PDE11A: variants seen among roughly 807,000 people sequenced by gnomAD.
PDE11A encodes dual 3',5'-cyclic-AMP and -GMP phosphodiesterase 11A.
A neutral mutation model predicts 100.5 loss-of-function variants in PDE11A; 100 were observed. That is an observed-to-expected ratio of 1.00 (90% confidence interval 0.85 to 1.18). The LOEUF is 1.18. Ranked by LOEUF, PDE11A falls within the 50% of genes most tolerant of loss-of-function variation. The probability of loss-of-function intolerance (pLI) is 0.00; values close to 1 mark genes in which losing one functional copy is unlikely to be tolerated. For synonymous variants in PDE11A, 381 were observed against 420.8 expected, an observed-to-expected ratio of 0.91 and a Z score of 1.16; for missense variants, 1,141 against 1,152.6, an observed-to-expected ratio of 0.99 and a Z score of 0.15.
At chr2:177,959,758 A>C (rs1031093407) in intron 2 of PDE11A, among the ~76,000 whole-genome samples, 4 of 152,202 alleles carry the variant, frequency 2.6e-5, no homozygotes, top group Non-Finnish European at 5.9e-5. Context: ...AACTCAAATC[A>C]AGTAGAGTTG....
intron 1 of PDE11A, among the ~76,000 whole-genome samples, chr2:178,107,459 A>C (rs1399929687): frequency 6.6e-6 from 1 of 151,058 alleles, no homozygotes; most frequent in Non-Finnish European, 1.5e-5. Context: ...TAATTTCAAC[A>C]TTAAATAGAG....
chr2:177,801,643 G>T (rs1253470891), intron 9 of PDE11A, among the ~76,000 whole-genome samples: 1 of 151,908 alleles, frequency 6.6e-6, no homozygotes, highest in Non-Finnish European at 1.5e-5. Context: ...GTGATCCCAT[G>T]GAAAAAGAAG....
intron 13 of PDE11A, among the ~76,000 whole-genome samples, chr2:177,709,576 A>G (rs1376126350): frequency 6.6e-6 from 1 of 152,200 alleles, no homozygotes; most frequent in Non-Finnish European, 1.5e-5. Context: ...TTATGGTTCA[A>G]AGAAATGTAT....
At chr2:177,755,887 C>T (rs1268918187) in intron 10 of PDE11A, among the ~76,000 whole-genome samples, 1 of 152,216 alleles carries the variant, frequency 6.6e-6, no homozygotes, top group African/African-American at 2.4e-5. Flanking sequence ...CACCTGGGTG[C>T]TTAGTGGAGA....
chr2:177,995,649 C>CCT (rs756005819), intron 2 of PDE11A, among the ~76,000 whole-genome samples: 2 of 151,234 alleles, frequency 1.3e-5, no homozygotes, highest in Non-Finnish European at 1.5e-5. Context: ...AAACACCACC[C>CCT]ACCCCGCATC....
At chr2:178,106,477 T>G (rs1305447428) in intron 1 of PDE11A, among the ~76,000 whole-genome samples, 3 of 152,206 alleles carry the variant, frequency 2.0e-5, no homozygotes, top group Non-Finnish European at 4.4e-5. Flanking sequence ...TTCTATTAAT[T>G]ACCTAAATAG....
At chr2:177,772,563 A>G (rs2082325253) in intron 9 of PDE11A, among the ~76,000 whole-genome samples, 1 of 152,168 alleles carries the variant, frequency 6.6e-6, no homozygotes, top group Non-Finnish European at 1.5e-5. Flanking sequence ...AGAATTTCTT[A>G]CTGTTTTCAA....
At chr2:177,834,481 C>T (rs1272379531) in intron 6 of PDE11A, among the ~76,000 whole-genome samples, 1 of 152,150 alleles carries the variant, frequency 6.6e-6, no homozygotes, top group African/African-American at 2.4e-5. Context: ...GGTGTTTCAC[C>T]CTCACCCCAA....
At chr2:177,969,907 T>A (rs186407984) in intron 2 of PDE11A, among the ~76,000 whole-genome samples, 218 of 152,254 alleles carry the variant, frequency 1.4e-3, no homozygotes, top group Non-Finnish European at 1.0e-3. Context: ...TGAAAAAAAA[T>A]TGACCTCTGC....
At chr2:177,679,275 T>G (rs2080825195) in intron 16 of PDE11A, among the ~76,000 whole-genome samples, 1 of 152,240 alleles carries the variant, frequency 6.6e-6, no homozygotes, top group South Asian at 2.1e-4. Flanking sequence ...TTTGGAATAC[T>G]GTGCAACGAT....
At chr2:177,876,809 A>G (rs2084248477) in intron 4 of PDE11A, among the ~76,000 whole-genome samples, 1 of 148,282 alleles carries the variant, frequency 6.7e-6, no homozygotes, top group Non-Finnish European at 1.5e-5. Context: ...GAAATGCACT[A>G]TTTCTGGCCC....
At chr2:177,721,729 T>C (rs2081531283) in intron 12 of PDE11A, among the ~76,000 whole-genome samples, 1 of 152,054 alleles carries the variant, frequency 6.6e-6, no homozygotes, top group Non-Finnish European at 1.5e-5. Flanking sequence ...TAACATATGG[T>C]TTATGACCAC....
chr2:177,816,965 T>C (rs758572136), intron 8 of PDE11A, 44 bp from the exon 9 acceptor site: 14 of 1,158,284 alleles, frequency 1.2e-5, no homozygotes, highest in Middle Eastern at 1.9e-4. Flanking sequence ...CAGCAACTCA[T>C]TGGCAAAATC....
At chr2:177,633,502 G>A (rs75959058) in intron 19 of PDE11A, among the ~76,000 whole-genome samples, 2,331 of 152,350 alleles carry the variant, frequency 0.015, 56 homozygotes, top group African/African-American at 0.053. Context: ...CCTTAAGACA[G>A]AGTATGTTCT....
chr2:177,825,208 G>A (rs1236728506), intron 6 of PDE11A, among the ~76,000 whole-genome samples: 1 of 152,170 alleles, frequency 6.6e-6, no homozygotes, highest in Non-Finnish European at 1.5e-5. Flanking sequence ...AGAGAGGAAG[G>A]CCATAATGAG....
At chr2:177,638,652 T>C (rs954921866) in intron 19 of PDE11A, among the ~76,000 whole-genome samples, 6 of 152,240 alleles carry the variant, frequency 3.9e-5, no homozygotes, top group African/African-American at 1.4e-4. Flanking sequence ...TATAGTCAGG[T>C]TATTTGGAAA....
rs71010857 is a variant in PDE11A, at chr2:178,096,169, C to CTTTTTTTTTTTTTTTTT, written c.162+8132_162+8133insAAAAAAAAAAAAAAAAA. On this transcript the variant is annotated intron_variant, in intron 2 of 20. Coordinates refer to the PDE11A transcript ENST00000358450. ...AGAAAACAGGTTTTTCTTTTCTTTT[C>CTTTTTTTTTTTTTTTTT]TTTTTTTTTTTTGAGATGGAGTCTC... Among the ~76,000 whole-genome samples the CTTTTTTTTTTTTTTTTT allele has an allele frequency of 1.3e-3, 161 of 120,050 alleles. 6 individuals carry two copies. Among genetic ancestry groups the CTTTTTTTTTTTTTTTTT allele is most frequent in the Non-Finnish European group, 1.8e-3 (104 of 56,706 alleles). The allele number at this position is 120,050 out of a possible 152,430, so 78.8% of individuals were successfully genotyped here.
chr2:177,924,160 A>T (rs1239409867), intron 2 of PDE11A, among the ~76,000 whole-genome samples: 1 of 152,232 alleles, frequency 6.6e-6, no homozygotes, highest in Admixed American at 6.5e-5. Context: ...TAAAAGAAAT[A>T]GTTCAGAATA....
chr2:178,065,762 T>A (rs2087034911), intron 1 of PDE11A, among the ~76,000 whole-genome samples: 1 of 152,128 alleles, frequency 6.6e-6, no homozygotes. Context: ...AGCAACTCAA[T>A]AACATGAGTG....
Sources: gnomAD v4.1 joint callset for allele counts (sites outside exome capture counted in the v4.1 genomes callset) on GRCh38, gnomAD v4.1.1 for gene constraint, MANE v1.5 for transcripts, NCBI Gene and HGNC (gene_info 2026-07-23, HGNC 2026-07-21) for gene names.